Variants in PLEKHA7 observed in about 807,000 individuals in gnomAD.
The protein encoded by PLEKHA7 is pleckstrin homology domain containing A7, also known as pleckstrin homology domain-containing family A member 7.
Under a neutral mutation model 170.0 loss-of-function variants are expected in PLEKHA7, and 104 were observed. The observed-to-expected ratio is 0.61, with a 90% CI of 0.52 to 0.72. The LOEUF (loss-of-function observed/expected upper bound fraction) is 0.72. Among genes scored for constraint, PLEKHA7 ranks in the 30% least tolerant of loss-of-function variants. PLEKHA7 has a pLI of 0.00. For missense variants in PLEKHA7, 1,615 were observed against 1,671.7 expected (o/e 0.97, Z 0.59); for synonymous variants, 648 against 660.8 (o/e 0.98, Z 0.30).
rs953402855 is a variant in PLEKHA7 at position 16,777,450 on chromosome 11, G to A, written c.*1548C>T. 3.3e-5 allele frequency: 5 copies of A among 152,006 alleles called. No homozygotes were observed. Among genetic ancestry groups the A allele is most frequent in the African/African-American group, 7.3e-5 (3 of 41,358 alleles). The allele number at this position is 152,006 out of a possible 1,614,324, so 9.4% of individuals were successfully genotyped here. A position where few individuals can be genotyped will look rare whatever the true frequency, so the allele number is the denominator to read the frequency against. On this transcript the variant is annotated 3_prime_UTR_variant, in exon 27 of 27. Coordinates refer to ENST00000531066, the MANE Select transcript of PLEKHA7 (RefSeq NM_001329630.2). ...TTATTTTGGCAAATGTCATGAAGTCGATACTGGCAGCATATGGAGTTAGTT... is the reference window on the plus strand; with the variant it reads ...TTATTTTGGCAAATGTCATGAAGTCAATACTGGCAGCATATGGAGTTAGTT...
At chr11:16,821,811 A>G (rs543436443) in intron 10 of PLEKHA7, among the ~76,000 whole-genome samples, 1 of 152,334 alleles carries the variant, frequency 6.6e-6, no homozygotes, top group Admixed American at 6.5e-5. Flanking sequence ...TTAAAGATTG[A>G]CAGCATTTTC....
rs187366336 is a variant in PLEKHA7, at chr11:16,880,744, A to C, written c.222-9562T>G. 2.0e-3 allele frequency among the ~76,000 whole-genome samples: 311 copies of C among 152,338 alleles called. 1 individual carries two copies. The highest frequency in any genetic ancestry group is 7.1e-3 in the African/African-American group (294 of 41,584). ...TGCGGCCCGAGAAAAGCCGCATTCT[A>C]TAGAAGTTTTCAAACCTGTCCTGTG... On this transcript the variant is annotated intron_variant, in intron 3 of 26. Transcript: ENST00000531066.
At position 16,907,750 on chromosome 11, in the gene PLEKHA7, C is replaced by T. The variant is rs1409548824; in HGVS notation, c.222-36568G>A. On this transcript the variant is annotated intron_variant, in intron 3 of 26. Coordinates refer to ENST00000531066, the MANE Select transcript of PLEKHA7 (RefSeq NM_001329630.2). ...GAGCCCCTCTGCCCGGCCACCACCC[C>T]GTCTGGGAGGTGTACTCAACAGCTC... Among the ~76,000 whole-genome samples the T allele has an allele frequency of 2.1e-5, 3 of 144,814 alleles. No homozygotes were observed. In the East Asian group the frequency reaches 6.3e-4, roughly 30 times the overall value.
chr11:16,782,159 G>A (rs1043630502), intron 26 of PLEKHA7, among the ~76,000 whole-genome samples: 7 of 130,200 alleles, frequency 5.4e-5, no homozygotes, highest in Admixed American at 8.3e-5. Context: ...TGAGACACAC[G>A]GACACACACA....
intron 4 of PLEKHA7, among the ~76,000 whole-genome samples, chr11:16,866,412 T>C (rs540549694): frequency 3.8e-4 from 58 of 151,828 alleles, no homozygotes; most frequent in South Asian, 1.7e-3. Context: ...GCCAACATGG[T>C]GAAACCCCGT....
chr11:16,980,914 C>T (rs1025956035), intron 3 of PLEKHA7, among the ~76,000 whole-genome samples: 6 of 132,820 alleles, frequency 4.5e-5, no homozygotes, highest in East Asian at 2.4e-4. Flanking sequence ...CAGCAAGATA[C>T]GGCCCAATGA....
chr11:16,872,466 ATAT>A (rs1404900937), intron 3 of PLEKHA7, among the ~76,000 whole-genome samples: 1 of 152,210 alleles, frequency 6.6e-6, no homozygotes, highest in Non-Finnish European at 1.5e-5. Context: ...AAAAAGTCCT[ATAT>A]TATTAAGACT....
chr11:16,865,291 T>C (rs181197224), intron 4 of PLEKHA7, among the ~76,000 whole-genome samples: 91 of 152,336 alleles, frequency 6.0e-4, no homozygotes, highest in African/African-American at 2.1e-3. Flanking sequence ...AGCTCTCCCA[T>C]GAGGCATTTT....
chr11:16,857,921 G>A (rs943924106), intron 4 of PLEKHA7, among the ~76,000 whole-genome samples: 6 of 152,200 alleles, frequency 3.9e-5, no homozygotes, highest in Non-Finnish European at 8.8e-5. Flanking sequence ...GTTTCACCAT[G>A]TTGGCCAGGC....
intron 3 of PLEKHA7, among the ~76,000 whole-genome samples, chr11:16,953,529 A>G (rs921793440): frequency 6.6e-6 from 1 of 152,222 alleles, no homozygotes; most frequent in African/African-American, 2.4e-5. Context: ...TTTCCAGAAT[A>G]GTAATAAAAC....
chr11:17,006,347 C>T (rs528350333), intron 3 of PLEKHA7, among the ~76,000 whole-genome samples: 6 of 146,674 alleles, frequency 4.1e-5, no homozygotes. Flanking sequence ...AAAAAAACGT[C>T]CAGGCACGGT....
At chr11:16,938,603 A>T (rs933945448) in intron 3 of PLEKHA7, among the ~76,000 whole-genome samples, 1 of 152,144 alleles carries the variant, frequency 6.6e-6, no homozygotes, top group Admixed American at 6.5e-5. Context: ...AAAAATCCTT[A>T]ATCAGACCAT....
chr11:16,782,899 G>A lies in PLEKHA7; in HGVS notation c.3651-3C>T, dbSNP rs1472693797. Reference sequence around the variant, plus strand: ...AGGTCGGCTGTAGGTTGCACATGCTGTAGGAGGGTCGGAAGCAGACCATGG... The same window carrying A: ...AGGTCGGCTGTAGGTTGCACATGCTATAGGAGGGTCGGAAGCAGACCATGG... On this transcript the variant is annotated splice_polypyrimidine_tract_variant and splice_region_variant and intron_variant, in intron 25 of 26. Transcript: ENST00000531066. 5 of 1,535,798 alleles carry A rather than the reference G, an allele frequency of 3.3e-6. No homozygotes were observed. In the South Asian group the frequency reaches 3.6e-5, roughly 11 times the overall value.
At chr11:16,953,721 T>C (rs1160749960) in intron 3 of PLEKHA7, among the ~76,000 whole-genome samples, 1 of 152,222 alleles carries the variant, frequency 6.6e-6, no homozygotes, top group Non-Finnish European at 1.5e-5. Flanking sequence ...CTCCTAAAGG[T>C]AAGTATACTT....
chr11:16,781,624 G>A (rs1188714956), intron 26 of PLEKHA7, among the ~76,000 whole-genome samples: 2 of 152,200 alleles, frequency 1.3e-5, no homozygotes, highest in African/African-American at 2.4e-5. Flanking sequence ...ACAGAGGACA[G>A]CCAAGATTTC....
At chr11:16,807,380 C>T (rs994283977) in intron 13 of PLEKHA7, among the ~76,000 whole-genome samples, 8 of 152,162 alleles carry the variant, frequency 5.3e-5, no homozygotes, top group Non-Finnish European at 1.2e-4. Flanking sequence ...CTTGGTGATG[C>T]TACTTCCATG....
intron 10 of PLEKHA7, among the ~76,000 whole-genome samples, chr11:16,823,661 G>T (rs1204723367): frequency 6.6e-6 from 1 of 152,112 alleles, no homozygotes; most frequent in African/African-American, 2.4e-5. Context: ...AAATCTGAAT[G>T]CTAACTCCAA....
intron 3 of PLEKHA7, among the ~76,000 whole-genome samples, chr11:16,934,210 C>G (rs1393160221): frequency 1.3e-5 from 2 of 152,282 alleles, no homozygotes; most frequent in African/African-American, 4.8e-5. Context: ...GTATGAGGTC[C>G]TGGAACCACT....
chr11:16,963,712 C>T (rs1023844035), intron 3 of PLEKHA7, among the ~76,000 whole-genome samples: 27 of 152,262 alleles, frequency 1.8e-4, no homozygotes, highest in South Asian at 1.0e-3. Context: ...GTGTCCCATT[C>T]GAGTAGCCCT....
Sources: gnomAD v4.1 joint callset for allele counts (sites outside exome capture counted in the v4.1 genomes callset) on GRCh38, gnomAD v4.1.1 for gene constraint, MANE v1.5 for transcripts, NCBI Gene and HGNC (gene_info 2026-07-23, HGNC 2026-07-21) for gene names.